Variants in EPHA3 observed in about 807,000 individuals in gnomAD.
The protein encoded by EPHA3 is EPH receptor A3.
EPHA3 carries 42 observed loss-of-function variants against 107.1 expected under a neutral mutation model. That is an observed-to-expected ratio of 0.39 (90% CI 0.31 to 0.51). The LOEUF (loss-of-function observed/expected upper bound fraction) is 0.51, where lower values mean the gene tolerates loss of function less well. Among genes scored for constraint, EPHA3 ranks in the 20% least tolerant of loss-of-function variants. The pLI, the probability that EPHA3 is intolerant of heterozygous loss-of-function variation, is 0.78. For synonymous variants in EPHA3, 461 were observed against 424.8 expected (o/e 1.09, Z -1.05); for missense variants, 1,183 against 1,211.2 (o/e 0.98, Z 0.35).
chr3:89,385,107 G>C (rs530359624), intron 5 of EPHA3, among the ~76,000 whole-genome samples: 1 of 152,138 alleles, frequency 6.6e-6, no homozygotes, highest in South Asian at 2.1e-4. Flanking sequence ...TTTTATGATA[G>C]GTTTGCTAAT....
chr3:89,430,527 T>C (rs1334257888), intron 12 of EPHA3, among the ~76,000 whole-genome samples: 2 of 152,172 alleles, frequency 1.3e-5, no homozygotes, highest in African/African-American at 4.8e-5. Context: ...ATACATTATC[T>C]ATACATTTTA....
chr3:89,197,878 AG>A (rs906804521), intron 2 of EPHA3, among the ~76,000 whole-genome samples: 2 of 152,046 alleles, frequency 1.3e-5, no homozygotes, highest in African/African-American at 4.8e-5. Context: ...GGGGAGGCTG[AG>A]GGGGGAGAAT....
intron 2 of EPHA3, among the ~76,000 whole-genome samples, chr3:89,137,751 G>A (rs986184917): frequency 6.6e-6 from 1 of 151,970 alleles, no homozygotes; most frequent in African/African-American, 2.4e-5. Flanking sequence ...GAAGAAAAAT[G>A]TCAAAGGGGC....
chr3:89,310,153 T>A lies in EPHA3; in HGVS notation c.815-30763T>A, dbSNP rs141953395. On this transcript the variant is annotated intron_variant, in intron 3 of 16. Coordinates refer to ENST00000336596, the MANE Select transcript of EPHA3 (RefSeq NM_005233.6). ...AGTTTTTAATGAGCTGGTACCTGTA[T>A]AGCCCTTTGAGCAGTTCAGGCCAGG... 6.0e-3 allele frequency among the ~76,000 whole-genome samples: 906 copies of A among 152,208 alleles called. 9 individuals are homozygous for A. The highest frequency in any genetic ancestry group is 0.013 in the South Asian group (65 of 4,830).
intron 2 of EPHA3, among the ~76,000 whole-genome samples, chr3:89,152,888 A>C (rs1704719304): frequency 1.3e-5 from 2 of 152,082 alleles, no homozygotes; most frequent in Non-Finnish European, 2.9e-5. Context: ...TAGTTTGGTA[A>C]ATTTAGAAAA....
At chr3:89,384,459 A>G (rs1165239007) in intron 5 of EPHA3, among the ~76,000 whole-genome samples, 1 of 152,198 alleles carries the variant, frequency 6.6e-6, no homozygotes, top group East Asian at 1.9e-4. Context: ...GCTCTCTGGG[A>G]ATAAAGATTT....
At chr3:89,458,168 C>A (rs1000857259) in intron 15 of EPHA3, among the ~76,000 whole-genome samples, 2 of 152,034 alleles carry the variant, frequency 1.3e-5, no homozygotes, top group Non-Finnish European at 2.9e-5. Flanking sequence ...GGCTGTGGAG[C>A]CAATCAGTGA....
At chr3:89,383,641 T>TCTTC (rs1383425598) in intron 5 of EPHA3, among the ~76,000 whole-genome samples, 12 of 122,552 alleles carry the variant, frequency 9.8e-5, no homozygotes, top group African/African-American at 3.7e-4. Context: ...TTCTTCTTCT[T>TCTTC]TTTTTTTTTT....
chr3:89,286,109 T>A (rs1466245772), intron 3 of EPHA3, among the ~76,000 whole-genome samples: 1 of 146,140 alleles, frequency 6.8e-6, no homozygotes, highest in East Asian at 2.0e-4. Flanking sequence ...ACTAGGAGGA[T>A]CAATTTCTAC....
intron 7 of EPHA3, among the ~76,000 whole-genome samples, chr3:89,400,773 G>A (rs1369606300): frequency 6.6e-6 from 1 of 152,106 alleles, no homozygotes; most frequent in Non-Finnish European, 1.5e-5. Context: ...GCACAAACCA[G>A]TTGTCTTTCT....
intron 1 of EPHA3, among the ~76,000 whole-genome samples, chr3:89,113,815 C>T (rs1294839523): frequency 6.6e-6 from 1 of 151,884 alleles, no homozygotes; most frequent in Admixed American, 6.6e-5. Context: ...ATATTTCATC[C>T]AGGAAAGTTT....
intron 3 of EPHA3, among the ~76,000 whole-genome samples, chr3:89,252,796 TG>T (rs1408882660): frequency 2.0e-5 from 3 of 151,438 alleles, no homozygotes; most frequent in Non-Finnish European, 4.4e-5. Context: ...AGATACAATA[TG>T]ATTTGCAGGG....
chr3:89,250,789 A>G (rs1705144668), intron 3 of EPHA3, among the ~76,000 whole-genome samples: 1 of 152,174 alleles, frequency 6.6e-6, no homozygotes, highest in Non-Finnish European at 1.5e-5. Context: ...ATATATTTTT[A>G]AAGTATTTTA....
intron 5 of EPHA3, among the ~76,000 whole-genome samples, chr3:89,390,043 G>A (rs1006631011): frequency 1.3e-5 from 2 of 151,982 alleles, no homozygotes; most frequent in Non-Finnish European, 2.9e-5. Context: ...CCTGACTGAA[G>A]TGTGGTGGTG....
intron 2 of EPHA3, among the ~76,000 whole-genome samples, chr3:89,191,645 A>G (rs1705719657): frequency 6.6e-6 from 1 of 152,206 alleles, no homozygotes; most frequent in Non-Finnish European, 1.5e-5. Context: ...TAAATGTTTA[A>G]TATTAAAATA....
At chr3:89,283,989 C>T (rs183484057) in intron 3 of EPHA3, among the ~76,000 whole-genome samples, 1 of 151,932 alleles carries the variant, frequency 6.6e-6, no homozygotes, top group Admixed American at 6.6e-5. Context: ...TGTGCAGTCA[C>T]AAATGTTTAA....
intron 2 of EPHA3, among the ~76,000 whole-genome samples, chr3:89,191,840 C>A (rs746017284): frequency 6.6e-5 from 10 of 152,150 alleles, no homozygotes; most frequent in Non-Finnish European, 8.8e-5. Flanking sequence ...TAACATTTTT[C>A]TTTATCAGCT....
chr3:89,173,200 G>T (rs1705245858), intron 2 of EPHA3, among the ~76,000 whole-genome samples: 1 of 151,956 alleles, frequency 6.6e-6, no homozygotes, highest in Non-Finnish European at 1.5e-5. Flanking sequence ...ATCAAGTATT[G>T]AATTTAATGA....
At chr3:89,285,332 A>G (rs1706054506) in intron 3 of EPHA3, among the ~76,000 whole-genome samples, 1 of 152,136 alleles carries the variant, frequency 6.6e-6, no homozygotes, top group African/African-American at 2.4e-5. Context: ...ATATTGGGAA[A>G]ACACTTAGGT....
Sources: gnomAD v4.1 joint callset for allele counts (sites outside exome capture counted in the v4.1 genomes callset) on GRCh38, gnomAD v4.1.1 for gene constraint, MANE v1.5 for transcripts, NCBI Gene and HGNC (gene_info 2026-07-23, HGNC 2026-07-21) for gene names.